Variants in TIAM2 observed in about 807,000 individuals in gnomAD.
TIAM2 encodes the protein TIAM Rac1 associated GEF 2, also known as rho guanine nucleotide exchange factor TIAM2.
A neutral mutation model predicts 152.9 loss-of-function variants in TIAM2; 80 were observed. That is an observed-to-expected ratio of 0.52 (90% CI 0.44 to 0.63). The LOEUF (loss-of-function observed/expected upper bound fraction) is 0.63. TIAM2 is among the 30% of genes least tolerant of loss of function. TIAM2 has a pLI of 0.00. For synonymous variants in TIAM2, 804 were observed against 838.0 expected, an observed-to-expected ratio of 0.96 and a Z score of 0.70; for missense variants, 1,965 against 2,120.1, an observed-to-expected ratio of 0.93 and a Z score of 1.44.
At chr6:155,256,457 C>G (rs1457918001) in intron 26 of TIAM2, 27 bp from the exon 27 acceptor site, 1 of 1,613,738 alleles carries the variant, frequency 6.2e-7, no homozygotes, top group African/African-American at 1.3e-5. Flanking sequence ...TTCTGTATCA[C>G]AGCGAAATGT....
At position 155,029,422 on chromosome 6, in the gene TIAM2, TATAC is replaced by T. The variant is rs1562295065; in HGVS notation, c.-209+33931_-209+33934del. ...TATAGTATATATAATATATACTATATATACTATAGTATATATTATACTATAGTAT... is the reference window on the plus strand; with the variant it reads ...TATAGTATATATAATATATACTATATTATAGTATATATTATACTATAGTAT... On this transcript the variant is annotated intron_variant, in intron 1 of 26. Coordinates refer to ENST00000682666, the MANE Select transcript of TIAM2 (RefSeq NM_012454.4). 3.5e-4 allele frequency among the ~76,000 whole-genome samples: 27 copies of T among 77,452 alleles called. 1 individual carries two copies. The highest frequency in any genetic ancestry group is 1.2e-3 in the Admixed American group (5 of 4,286). 50.8% of individuals were successfully genotyped at this position (77,452 alleles called of 152,430 possible).
chr6:155,133,621 C>G (rs1218755643), intron 4 of TIAM2, among the ~76,000 whole-genome samples: 1 of 152,096 alleles, frequency 6.6e-6, no homozygotes, highest in African/African-American at 2.4e-5. Context: ...CTCTCCTGCC[C>G]CTGGCAACCA....
chr6:155,145,778 T>G (rs996800217), intron 6 of TIAM2, among the ~76,000 whole-genome samples: 15 of 152,102 alleles, frequency 9.9e-5, no homozygotes, highest in African/African-American at 2.9e-4. Context: ...ACTTTGGGAG[T>G]CTAGAATGCT....
chr6:155,165,723 A>C (rs1388002834), intron 9 of TIAM2, among the ~76,000 whole-genome samples: 4 of 152,122 alleles, frequency 2.6e-5, no homozygotes, highest in African/African-American at 7.2e-5. Context: ...GGGAGGTTGA[A>C]GCTGCAGTGA....
chr6:155,024,382 T>G (rs1554224877), intron 1 of TIAM2, among the ~76,000 whole-genome samples: 1 of 152,144 alleles, frequency 6.6e-6, no homozygotes, highest in Non-Finnish European at 1.5e-5. Context: ...TTCAGAGGAT[T>G]TTCAGACAAC....
intron 2 of TIAM2, among the ~76,000 whole-genome samples, chr6:155,106,315 A>G (rs901634577): frequency 2.0e-5 from 3 of 152,034 alleles, no homozygotes; most frequent in Non-Finnish European, 4.4e-5. Context: ...TTTTTGGGGT[A>G]TTTTTAAAAT....
intron 16 of TIAM2, among the ~76,000 whole-genome samples, chr6:155,241,697 G>T (rs1172433306): frequency 6.6e-6 from 1 of 152,152 alleles, no homozygotes; most frequent in East Asian, 1.9e-4. Context: ...TGGCCTCAGA[G>T]GGGAGAAAGG....
chr6:155,169,498 A>C (rs1040099727), intron 9 of TIAM2, among the ~76,000 whole-genome samples: 5 of 152,170 alleles, frequency 3.3e-5, no homozygotes, highest in African/African-American at 1.2e-4. Context: ...AATATCTTTG[A>C]TTTATACATC....
At position 155,196,000 on chromosome 6, in the gene TIAM2, A is replaced by G. The variant is rs571347312; in HGVS notation, c.3064+12500A>G. Among the ~76,000 whole-genome samples the G allele has an allele frequency of 7.2e-5, 11 of 152,288 alleles. No homozygotes were observed. In the East Asian group the frequency reaches 1.2e-3, roughly 16 times the overall value. ...AGGGAAGGGAGAAGCCGTTGCAGAGAAGGAGGAGCAGGGAAGTAGTGACAT... is the reference window on the plus strand; with the variant it reads ...AGGGAAGGGAGAAGCCGTTGCAGAGGAGGAGGAGCAGGGAAGTAGTGACAT... On this transcript the variant is annotated intron_variant, in intron 14 of 26. Transcript: ENST00000682666.
intron 2 of TIAM2, among the ~76,000 whole-genome samples, chr6:155,115,122 C>T (rs559217518): frequency 6.6e-6 from 1 of 150,580 alleles, no homozygotes; most frequent in African/African-American, 2.5e-5. Flanking sequence ...GCCACTGGGC[C>T]TGGCCAAACC....
At chr6:155,034,933 T>A (rs1433687403) in intron 1 of TIAM2, among the ~76,000 whole-genome samples, 2 of 152,196 alleles carry the variant, frequency 1.3e-5, no homozygotes, top group African/African-American at 4.8e-5. Context: ...TAGCTGATTA[T>A]GAATTAATAT....
chr6:155,241,623 C>G (rs563547834), intron 16 of TIAM2, among the ~76,000 whole-genome samples: 1 of 152,148 alleles, frequency 6.6e-6, no homozygotes, highest in African/African-American at 2.4e-5. Context: ...TTGTTGATGT[C>G]GCTGTTTTAC....
intron 15 of TIAM2, among the ~76,000 whole-genome samples, chr6:155,237,655 T>C (rs1782836846): frequency 6.6e-6 from 1 of 152,188 alleles, no homozygotes; most frequent in Non-Finnish European, 1.5e-5. Flanking sequence ...TTATGTGCAC[T>C]GGCAGGCTCA....
chr6:155,191,609 T>A (rs1242230749), intron 14 of TIAM2, among the ~76,000 whole-genome samples: 1 of 152,132 alleles, frequency 6.6e-6, no homozygotes, highest in Non-Finnish European at 1.5e-5. Flanking sequence ...CTGTGCAACA[T>A]GGTGAAACCC....
At chr6:155,230,129 G>A (rs1309357732) in intron 15 of TIAM2, among the ~76,000 whole-genome samples, 1 of 151,440 alleles carries the variant, frequency 6.6e-6, no homozygotes, top group African/African-American at 2.4e-5. Context: ...CCTGTAAGCT[G>A]TGTGTCCAGT....
At chr6:155,036,772 C>T (rs1776932034) in intron 1 of TIAM2, among the ~76,000 whole-genome samples, 2 of 151,726 alleles carry the variant, frequency 1.3e-5, no homozygotes, top group Admixed American at 1.3e-4. Flanking sequence ...CATACACCAC[C>T]ACGCCCAGCT....
Position 155,130,323 on chromosome 6 carries a change from T to G in TIAM2, c.1100T>G (p.Val367Gly). The change falls in exon 4 of 27, where the codon GTT (valine) becomes GGT (glycine). Residue 367 changes from valine to glycine, a missense_variant. This residue lies in a region of TIAM2 where 1,025 missense variants were observed against 1,119.4 expected (regional missense o/e 0.92). Coordinates refer to ENST00000682666, the MANE Select transcript of TIAM2 (RefSeq NM_012454.4). ...CCCTGTCGGAAGCCCAAAGCCTTTGTTGAGGATACTGCGAAGAAGGACTCC... is the reference window on the plus strand; with the variant it reads ...CCCTGTCGGAAGCCCAAAGCCTTTGGTGAGGATACTGCGAAGAAGGACTCC... ...TLPCRKPKAF[V>G]EDTAKKDSLK... 4 of 1,614,150 alleles carry G rather than the reference T, an allele frequency of 2.5e-6. No individual in the cohort carries two copies. The highest frequency in any genetic ancestry group is 3.4e-6 in the Non-Finnish European group (4 of 1,180,036).
rs570028886 is a variant in TIAM2, at chr6:155,027,383, G to A, written c.-209+31891G>A. Among the ~76,000 whole-genome samples, 329 of 131,866 alleles carry A rather than the reference G, an allele frequency of 2.5e-3. 2 individuals are homozygous for A. The highest frequency in any genetic ancestry group is 9.5e-3 in the African/African-American group (311 of 32,908). The allele number at this position is 131,866 out of a possible 152,430, so 86.5% of individuals were successfully genotyped here. A position where few individuals can be genotyped will look rare whatever the true frequency, so the allele number is the denominator to read the frequency against. ...ATATACTATATATAATATATATACT[G>A]TGTTACATATATACTATATATAATA... On this transcript the variant is annotated intron_variant, in intron 1 of 26. Coordinates refer to ENST00000682666, the MANE Select transcript of TIAM2 (RefSeq NM_012454.4).
chr6:155,253,696 C>A, intron 24 of TIAM2: 1 of 332,278 alleles, frequency 3.0e-6, no homozygotes, highest in Non-Finnish European at 5.4e-6. Context: ...GAATAGGATC[C>A]ACTGAATCTC....
Sources: gnomAD v4.1 joint callset for allele counts (sites outside exome capture counted in the v4.1 genomes callset) on GRCh38, gnomAD v4.1.1 for gene constraint, gnomAD v4.1.1 regional missense constraint, MANE v1.5 for transcripts, NCBI Gene and HGNC (gene_info 2026-07-23, HGNC 2026-07-21) for gene names.